LRP1B: variants seen among roughly 807,000 people sequenced by gnomAD.
The protein encoded by LRP1B is LDL receptor related protein 1B.
In LRP1B, 217 loss-of-function variants were observed where a neutral mutation model predicts 556.6. The ratio of observed to expected loss-of-function variants is 0.39; its 90% CI spans 0.35 to 0.44. LRP1B has a LOEUF of 0.44. Among genes scored for constraint, LRP1B ranks in the 20% least tolerant of loss-of-function variants. The probability of loss-of-function intolerance (pLI) is 1.00; values close to 1 mark genes in which losing one functional copy is unlikely to be tolerated. For missense variants in LRP1B, 5,053 were observed against 5,620.8 expected (o/e 0.90, Z 3.23); for synonymous variants, 2,047 against 1,865.8 (o/e 1.10, Z -2.50).
chr2:141,795,900 A>ATATATG (rs1553465421), intron 2 of LRP1B, among the ~76,000 whole-genome samples: 1 of 78,984 alleles, frequency 1.3e-5, no homozygotes, highest in African/African-American at 4.5e-5. Context: ...ATATATATAT[A>ATATATG]ATCTTTAAGC....
intron 7 of LRP1B, among the ~76,000 whole-genome samples, chr2:141,158,680 C>T (rs777659186): frequency 6.6e-6 from 1 of 152,156 alleles, no homozygotes; most frequent in Non-Finnish European, 1.5e-5. Flanking sequence ...TAAGCAGCTA[C>T]AGTATACATT....
At chr2:141,401,087 T>C (rs1271417652) in intron 3 of LRP1B, among the ~76,000 whole-genome samples, 1 of 152,222 alleles carries the variant, frequency 6.6e-6, no homozygotes, top group Admixed American at 6.5e-5. Context: ...CAGTGTTTTG[T>C]AGCATCTTGT....
At chr2:140,450,501 C>G in intron 63 of LRP1B, 67 bp downstream of exon 63, 2 of 1,216,500 alleles carry the variant, frequency 1.6e-6, no homozygotes, top group Non-Finnish European at 2.4e-6. Flanking sequence ...GGTGTAGATT[C>G]AATTTTCCAG....
At chr2:141,724,099 A>G (rs1294097384) in intron 2 of LRP1B, among the ~76,000 whole-genome samples, 2 of 151,932 alleles carry the variant, frequency 1.3e-5, no homozygotes, top group Non-Finnish European at 2.9e-5. Context: ...TGATGACTCA[A>G]TCAGATTTTG....
intron 2 of LRP1B, among the ~76,000 whole-genome samples, chr2:141,688,010 GAA>G (rs112502279): frequency 2.1e-5 from 3 of 146,018 alleles, no homozygotes; most frequent in African/African-American, 7.5e-5. Flanking sequence ...TATGATTTTT[GAA>G]AAAAAAAAAC....
intron 32 of LRP1B, among the ~76,000 whole-genome samples, chr2:140,800,734 C>A (rs1690479156): frequency 6.6e-6 from 1 of 151,956 alleles, no homozygotes; most frequent in Non-Finnish European, 1.5e-5. Flanking sequence ...TGTTTTCCTT[C>A]CATTAAGCTA....
intron 53 of LRP1B, among the ~76,000 whole-genome samples, chr2:140,504,410 C>G (rs1689320797): frequency 6.6e-6 from 1 of 152,158 alleles, no homozygotes; most frequent in African/African-American, 2.4e-5. Context: ...GAAATCCTCT[C>G]CTGTTCCATT....
At chr2:141,482,389 C>G (rs868451994) in intron 2 of LRP1B, among the ~76,000 whole-genome samples, 1 of 152,102 alleles carries the variant, frequency 6.6e-6, no homozygotes, top group African/African-American at 2.4e-5. Flanking sequence ...TACTACTGTA[C>G]AAGGCTATTA....
At chr2:140,845,147 A>AAAAC (rs2105107258) in intron 29 of LRP1B, among the ~76,000 whole-genome samples, 1 of 152,242 alleles carries the variant, frequency 6.6e-6, no homozygotes, top group Admixed American at 6.5e-5. Flanking sequence ...CAAACAAACA[A>AAAAC]AAACACACAA....
rs560617457 is a variant in LRP1B at position 141,680,736 on chromosome 2, C to A, written c.205+129543G>T. Among the ~76,000 whole-genome samples, 34 of 152,196 alleles carry A rather than the reference C, an allele frequency of 2.2e-4. No homozygotes were observed. The South Asian group carries it at 7.0e-3, about 32-fold the overall frequency. ...AGAGACTGAGAGCTCAATAAAGTTG[C>A]AAAATTTCTAGGAAGTGTTGCAGAG... On this transcript the variant is annotated intron_variant, in intron 2 of 90. Coordinates refer to ENST00000389484, the MANE Select transcript of LRP1B (RefSeq NM_018557.3).
chr2:141,117,953 A>G (rs1043113905), intron 7 of LRP1B, among the ~76,000 whole-genome samples: 1 of 152,090 alleles, frequency 6.6e-6, no homozygotes, highest in East Asian at 1.9e-4. Context: ...TCATCATCAT[A>G]TATGTCTTCC....
At chr2:140,813,325 T>G (rs980656465) in intron 32 of LRP1B, among the ~76,000 whole-genome samples, 3 of 152,194 alleles carry the variant, frequency 2.0e-5, no homozygotes, top group African/African-American at 7.2e-5. Context: ...AGGTTTGACT[T>G]TATTGTGACA....
chr2:140,827,952 G>C (rs1464162136), intron 31 of LRP1B, among the ~76,000 whole-genome samples: 3 of 143,814 alleles, frequency 2.1e-5, no homozygotes, highest in Non-Finnish European at 4.6e-5. Context: ...GGCCTGGAGA[G>C]AGTGGGGTGA....
chr2:141,815,250 A>G (rs954919977), intron 1 of LRP1B, among the ~76,000 whole-genome samples: 1 of 152,224 alleles, frequency 6.6e-6, no homozygotes, highest in African/African-American at 2.4e-5. Context: ...GGTAGGGAAG[A>G]AAGTTAACAT....
At chr2:141,902,480 C>T (rs1253523953) in intron 1 of LRP1B, among the ~76,000 whole-genome samples, 2 of 151,868 alleles carry the variant, frequency 1.3e-5, no homozygotes, top group Non-Finnish European at 2.9e-5. Flanking sequence ...AAAGCCTATT[C>T]CGGGGGCTTC....
chr2:141,624,074 A>G (rs1392171440), intron 2 of LRP1B, among the ~76,000 whole-genome samples: 1 of 150,574 alleles, frequency 6.6e-6, no homozygotes, highest in Non-Finnish European at 1.5e-5. Context: ...AGATTAGTAC[A>G]TAATATATAC....
At chr2:141,489,873 C>A (rs547208290) in intron 2 of LRP1B, among the ~76,000 whole-genome samples, 7 of 152,136 alleles carry the variant, frequency 4.6e-5, no homozygotes, top group African/African-American at 1.4e-4. Context: ...CAAATAAGAA[C>A]CTCTAAAGAT....
chr2:141,412,715 TG>T (rs964130110), intron 3 of LRP1B, among the ~76,000 whole-genome samples: 2 of 152,060 alleles, frequency 1.3e-5, no homozygotes, highest in African/African-American at 2.4e-5. Flanking sequence ...AAATATTTTA[TG>T]GGGGAAAACA....
chr2:141,794,220 G>A (rs1695726383), intron 2 of LRP1B, among the ~76,000 whole-genome samples: 1 of 151,758 alleles, frequency 6.6e-6, no homozygotes, highest in Non-Finnish European at 1.5e-5. Flanking sequence ...GAGAGGACAT[G>A]GCTAATGAAA....
Sources: gnomAD v4.1 joint callset for allele counts (sites outside exome capture counted in the v4.1 genomes callset) on GRCh38, gnomAD v4.1.1 for gene constraint, MANE v1.5 for transcripts, NCBI Gene and HGNC (gene_info 2026-07-23, HGNC 2026-07-21) for gene names.